FAM135A: variants seen among roughly 807,000 people sequenced by gnomAD.
The protein encoded by FAM135A is protein FAM135A.
Under a neutral mutation model 146.8 loss-of-function variants are expected in FAM135A, and 79 were observed. That is an observed-to-expected ratio of 0.54 (90% CI 0.45 to 0.65). FAM135A has a LOEUF of 0.65. Among genes scored for constraint, FAM135A ranks in the 30% least tolerant of loss-of-function variants. FAM135A has a pLI of 0.00. For synonymous variants in FAM135A, 562 were observed against 603.6 expected (o/e 0.93, Z 1.01); for missense variants, 1,623 against 1,758.2 (o/e 0.92, Z 1.38).
chr6:70,429,522 T>TA (rs1046665138), intron 4 of FAM135A, among the ~76,000 whole-genome samples: 1 of 151,258 alleles, frequency 6.6e-6, no homozygotes, highest in East Asian at 1.9e-4. Flanking sequence ...CAAGGAACGT[T>TA]AAAAAAAATA....
chr6:70,437,286 A>T (rs1317022570), intron 4 of FAM135A, among the ~76,000 whole-genome samples: 2 of 152,182 alleles, frequency 1.3e-5, no homozygotes, highest in African/African-American at 4.8e-5. Flanking sequence ...TGGCTAGATA[A>T]TCAGACAGTA....
At chr6:70,442,239 G>GTTT (rs1264461872) in intron 4 of FAM135A, among the ~76,000 whole-genome samples, 7 of 125,960 alleles carry the variant, frequency 5.6e-5, no homozygotes, top group South Asian at 2.7e-4. Context: ...TTCTTCATGG[G>GTTT]TTTTTTTTTT....
chr6:70,559,818 C>T lies in FAM135A; in HGVS notation c.4445C>T (p.Thr1482Ile). 1.2e-6 allele frequency: 2 copies of T among 1,614,082 alleles called. No individual in the cohort carries two copies. The highest frequency in any genetic ancestry group is 1.7e-6 in the Non-Finnish European group (2 of 1,179,950). ...AATGTCATCAATGCATTGCCCAATA[C>T]AGCTGATTCACTCATTGGGAGAGCT... ...RYNVINALPN[T>I]ADSLIGRAAH... The change falls in exon 22 of 22, where the codon ACA becomes ATA. Residue 1482 changes from threonine (T) to isoleucine (I), a missense_variant. Around this residue, in one of 7 missense-constraint regions of FAM135A, gnomAD observed 138 missense variants for 174.1 expected, o/e 0.79. Transcript: ENST00000418814.
rs576693257 is a variant in FAM135A at position 70,429,761 on chromosome 6, C to T, written c.77+1342C>T. Reference sequence around the variant, plus strand: ...ATGATGGATATTATGATACATTAGACTGATGGTTGTGTAGAAGAAATAGAA... The same window carrying T: ...ATGATGGATATTATGATACATTAGATTGATGGTTGTGTAGAAGAAATAGAA... On this transcript the variant is annotated intron_variant, in intron 4 of 21. Transcript: ENST00000418814. Among the ~76,000 whole-genome samples the T allele has an allele frequency of 9.2e-5, 14 of 152,184 alleles. 1 individual carries two copies. The South Asian group carries it at 2.9e-3, about 32-fold the overall frequency.
At chr6:70,465,674 G>A (rs974749801) in intron 5 of FAM135A, among the ~76,000 whole-genome samples, 1 of 152,090 alleles carries the variant, frequency 6.6e-6, no homozygotes, top group African/African-American at 2.4e-5. Context: ...GCCACACACT[G>A]TGTGTGGCCA....
chr6:70,498,138 G>A (rs944163529), intron 11 of FAM135A, among the ~76,000 whole-genome samples: 10 of 152,134 alleles, frequency 6.6e-5, no homozygotes, highest in African/African-American at 2.2e-4. Context: ...GTAAATTACT[G>A]CCTCAATTTC....
At chr6:70,456,931 G>A (rs1778488815) in intron 5 of FAM135A, among the ~76,000 whole-genome samples, 1 of 152,156 alleles carries the variant, frequency 6.6e-6, no homozygotes, top group Non-Finnish European at 1.5e-5. Context: ...TTCAGGCGTG[G>A]TAGTGGCATT....
intron 20 of FAM135A, among the ~76,000 whole-genome samples, chr6:70,550,145 G>A (rs1157271687): frequency 6.6e-6 from 1 of 152,190 alleles, no homozygotes; most frequent in African/African-American, 2.4e-5. Context: ...CTTCACTGAA[G>A]TCTTGACCCC....
At chr6:70,488,582 C>T (rs1183353764) in intron 10 of FAM135A, among the ~76,000 whole-genome samples, 2 of 151,800 alleles carry the variant, frequency 1.3e-5, no homozygotes, top group Non-Finnish European at 2.9e-5. Context: ...GACCCCTGTA[C>T]AGTTAAAAAT....
At position 70,523,970 on chromosome 6, in the gene FAM135A, T is replaced by C; in HGVS notation, c.1107T>C (p.Ala369=). Reference sequence around the variant, plus strand: ...TGACTGAAGAAATATTTTTCAGTGCTCAGAGTCATCTACAGATGTGCACCG... The same window carrying C: ...TGACTGAAGAAATATTTTTCAGTGCCCAGAGTCATCTACAGATGTGCACCG... The part of the protein sequence containing the change: ...EAAIAYQELH[A]QSHLQMCTAI... Residue 369 remains alanine (A), a synonymous_variant, in exon 14 of 22, where the codon GCT becomes GCC. Coordinates refer to ENST00000418814, the MANE Select transcript of FAM135A (RefSeq NM_001162529.3). 6.2e-7 allele frequency: 1 copy of C among 1,606,368 alleles called. No homozygotes were observed. Among genetic ancestry groups the C allele is most frequent in the South Asian group, 1.1e-5 (1 of 89,286 alleles).
chr6:70,419,003 C>T (rs1469915737), intron 2 of FAM135A, among the ~76,000 whole-genome samples: 1 of 152,216 alleles, frequency 6.6e-6, no homozygotes, highest in Non-Finnish European at 1.5e-5. Flanking sequence ...GGAAAGATGG[C>T]AGCTAGGTGT....
intron 20 of FAM135A, among the ~76,000 whole-genome samples, chr6:70,552,346 C>T (rs1236542412): frequency 6.6e-6 from 1 of 150,684 alleles, no homozygotes; most frequent in African/African-American, 2.4e-5. Flanking sequence ...AAGAAAAATG[C>T]AAAAAAATGA....
At chr6:70,462,089 C>G (rs16869243) in intron 5 of FAM135A, among the ~76,000 whole-genome samples, 7,029 of 152,128 alleles carry the variant, frequency 0.046, 364 homozygotes, top group African/African-American at 0.11. Context: ...AAGAAAAAGC[C>G]ATTTATATGT....
chr6:70,550,463 T>A (rs1464582051), intron 20 of FAM135A, among the ~76,000 whole-genome samples: 1 of 152,238 alleles, frequency 6.6e-6, no homozygotes, highest in Non-Finnish European at 1.5e-5. Context: ...CTTGTATATC[T>A]CCATGAGAGG....
intron 16 of FAM135A, among the ~76,000 whole-genome samples, chr6:70,528,896 T>C (rs1795253641): frequency 6.6e-6 from 1 of 151,290 alleles, no homozygotes; most frequent in African/African-American, 2.4e-5. Context: ...GTCTATTTGT[T>C]CTCATTGTTC....
At chr6:70,486,219 A>G (rs1329676031) in intron 10 of FAM135A, 1 of 1,613,770 alleles carries the variant, frequency 6.2e-7, no homozygotes, top group Non-Finnish European at 8.5e-7. Context: ...GAAAACAGCT[A>G]CGAACACAGA....
intron 4 of FAM135A, among the ~76,000 whole-genome samples, chr6:70,440,504 T>C (rs1226530685): frequency 1.3e-5 from 2 of 152,062 alleles, no homozygotes; most frequent in African/African-American, 4.8e-5. Flanking sequence ...CTGGCCAACA[T>C]GGTGAAACCC....
intron 12 of FAM135A, among the ~76,000 whole-genome samples, chr6:70,517,735 T>C (rs1792620583): frequency 6.6e-6 from 1 of 152,106 alleles, no homozygotes; most frequent in South Asian, 2.1e-4. Context: ...TGATCTTTAA[T>C]GGGTAATTTT....
chr6:70,469,971 A>G (rs1781274080), intron 5 of FAM135A, among the ~76,000 whole-genome samples: 1 of 151,756 alleles, frequency 6.6e-6, no homozygotes, highest in Non-Finnish European at 1.5e-5. Context: ...TAGCCTGGGC[A>G]CAGAGTAAGA....
Sources: allele counts gnomAD v4.1 joint callset (sites outside exome capture counted in the v4.1 genomes callset), GRCh38; gene constraint gnomAD v4.1.1; regional missense constraint gnomAD v4.1.1; transcripts MANE v1.5; gene names NCBI Gene and HGNC (gene_info 2026-07-23, HGNC 2026-07-21).